TBCK: variants seen among roughly 807,000 people sequenced by gnomAD.
The protein encoded by TBCK is TBC domain-containing protein kinase-like protein.
In TBCK, 99 loss-of-function variants were observed where a neutral mutation model predicts 113.4. The observed-to-expected ratio is 0.87, with a 90% CI of 0.74 to 1.03. TBCK has a LOEUF of 1.03. Among genes scored for constraint, TBCK ranks in the 50% least tolerant of loss-of-function variants. TBCK has a pLI of 0.00. For synonymous variants in TBCK, 369 were observed against 370.8 expected (o/e 1.00, Z 0.05); for missense variants, 1,045 against 1,061.3 (o/e 0.98, Z 0.21).
intron 10 of TBCK, among the ~76,000 whole-genome samples, chr4:106,246,192 C>T (rs552081569): frequency 6.6e-6 from 1 of 152,238 alleles, no homozygotes; most frequent in South Asian, 2.1e-4. Context: ...TATTGACCTT[C>T]ATTTATAACA....
rs768039362 is a variant in TBCK, at chr4:106,231,793, G to A, written c.1640-14C>T. Reference sequence around the variant, plus strand: ...GTGAGTCAAGACCTAACACAGAGGGGTTGGGAGAAAGAAGTCAAATAAATA... The same window carrying A: ...GTGAGTCAAGACCTAACACAGAGGGATTGGGAGAAAGAAGTCAAATAAATA... On this transcript the variant is annotated splice_polypyrimidine_tract_variant and intron_variant, in intron 17 of 25. Coordinates refer to ENST00000394708, the MANE Select transcript of TBCK (RefSeq NM_001163435.3). 2.5e-6 allele frequency: 4 copies of A among 1,605,678 alleles called. No individual in the cohort carries two copies. In the South Asian group the frequency reaches 3.3e-5, roughly 13 times the overall value.
At chr4:106,149,182 C>T (rs1048856427) in intron 23 of TBCK, among the ~76,000 whole-genome samples, 1 of 152,224 alleles carries the variant, frequency 6.6e-6, no homozygotes, top group Non-Finnish European at 1.5e-5. Context: ...GTGGCTGACT[C>T]AATCTTCTAT....
Position 106,230,365 on chromosome 4 carries a change from T to C in TBCK, c.1772A>G (p.Gln591Arg), listed in dbSNP as rs1223803642. The C allele has an allele frequency of 6.3e-7, 1 of 1,576,820 alleles. No individual in the cohort carries two copies. Among genetic ancestry groups the C allele is most frequent in the Non-Finnish European group, 8.7e-7 (1 of 1,152,018 alleles). Residue 591 changes from glutamine (Q) to arginine (R), a missense_variant and splice_region_variant, in exon 19 of 26, where the codon CAA becomes CGA. By Grantham distance (43) the Gln-to-Arg change is conservative. Transcript: ENST00000394708. ...FFLKDNSHVI[Q>R]EYLTVFSQMI... Reference sequence around the variant, plus strand: ...AGACATGGAAGACATTTGCTTACCTTGTATTACATGTGAGTTGTCTTTTAA... The same window carrying C: ...AGACATGGAAGACATTTGCTTACCTCGTATTACATGTGAGTTGTCTTTTAA...
At chr4:106,169,868 T>A (rs561824100) in intron 23 of TBCK, among the ~76,000 whole-genome samples, 2 of 152,196 alleles carry the variant, frequency 1.3e-5, no homozygotes, top group Non-Finnish European at 1.5e-5. Flanking sequence ...ATAAGGAATA[T>A]GCAACCTAGA....
At chr4:106,259,602 T>TA (rs1274404470) in intron 5 of TBCK, among the ~76,000 whole-genome samples, 1 of 151,844 alleles carries the variant, frequency 6.6e-6, no homozygotes, top group Non-Finnish European at 1.5e-5. Flanking sequence ...TAAGTGATTA[T>TA]AAAAAACAAT....
intron 15 of TBCK, among the ~76,000 whole-genome samples, 177 bp from the exon 16 acceptor site, chr4:106,233,827 T>C (rs1010840874): frequency 1.3e-5 from 2 of 152,100 alleles, no homozygotes; most frequent in African/African-American, 2.4e-5. Flanking sequence ...TTTGACAATC[T>C]GTGATGAAGG....
At chr4:106,238,317 T>C (rs1486845898) in intron 12 of TBCK, among the ~76,000 whole-genome samples, 6 of 152,120 alleles carry the variant, frequency 3.9e-5, no homozygotes, top group Non-Finnish European at 8.8e-5. Flanking sequence ...GCTGGCATTA[T>C]GGCAGACAAG....
intron 2 of TBCK, 70 bp from the exon 3 acceptor site, chr4:106,295,236 C>A: frequency 7.6e-7 from 1 of 1,317,488 alleles, no homozygotes. Flanking sequence ...ATAATACTCT[C>A]CACTGATGAT....
intron 22 of TBCK, among the ~76,000 whole-genome samples, chr4:106,191,070 A>G (rs761951586): frequency 1.6e-4 from 25 of 152,224 alleles, no homozygotes; most frequent in Non-Finnish European, 3.2e-4. Flanking sequence ...TTTGGGGAAT[A>G]AAAATGAATG....
At chr4:106,225,692 C>T (rs1758165658) in intron 19 of TBCK, among the ~76,000 whole-genome samples, 1 of 152,070 alleles carries the variant, frequency 6.6e-6, no homozygotes, top group South Asian at 2.1e-4. Context: ...CTCCTGACGT[C>T]GTGATCTGCC....
chr4:106,233,646 G>A lies in TBCK; in HGVS notation c.1454C>T (p.Ala485Val). 1.2e-6 allele frequency: 2 copies of A among 1,605,366 alleles called. No homozygotes were observed. The highest frequency in any genetic ancestry group is 1.7e-6 in the Non-Finnish European group (2 of 1,174,250). The change falls in exon 16 of 26, where the codon GCT (alanine) becomes GTT (valine). Residue 485 changes from alanine to valine, a missense_variant. By Grantham distance (64) the Ala-to-Val change is moderately conservative (BLOSUM62 0). Transcript: ENST00000394708. Reference sequence around the variant, plus strand: ...AATTGCATCGTACTTGGCATGAATAGCTCCCTGCAAAAAATAAAAGAAGAT... The same window carrying A: ...AATTGCATCGTACTTGGCATGAATAACTCCCTGCAAAAAATAAAAGAAGAT... ...TWAALLGVEG[A>V]IHAKYDAIDK...
At chr4:106,228,617 G>A (rs1490047158) in intron 19 of TBCK, among the ~76,000 whole-genome samples, 1 of 151,878 alleles carries the variant, frequency 6.6e-6, no homozygotes, top group Non-Finnish European at 1.5e-5. Context: ...TGTGTATTAA[G>A]TGCCACATTT....
chr4:106,204,654 A>G (rs1255169183), intron 20 of TBCK, among the ~76,000 whole-genome samples: 1 of 152,158 alleles, frequency 6.6e-6, no homozygotes, highest in East Asian at 1.9e-4. Flanking sequence ...ACTGAAGTAC[A>G]AAGAGGTAAA....
intron 25 of TBCK, among the ~76,000 whole-genome samples, chr4:106,089,154 A>T (rs935018232): frequency 3.3e-5 from 5 of 151,976 alleles, no homozygotes; most frequent in African/African-American, 1.2e-4. Context: ...TACAATCCTG[A>T]CAGAAGGCAA....
chr4:106,055,108 T>C (rs1168411037), intron 25 of TBCK, among the ~76,000 whole-genome samples: 2 of 151,674 alleles, frequency 1.3e-5, no homozygotes, highest in Non-Finnish European at 3.0e-5. Flanking sequence ...GAGAAGTAGA[T>C]AGAAGAGTTT....
chr4:106,144,019 T>G (rs1288199951), intron 23 of TBCK, among the ~76,000 whole-genome samples: 1 of 152,102 alleles, frequency 6.6e-6, no homozygotes, highest in Non-Finnish European at 1.5e-5. Context: ...CATCGCTAAT[T>G]AACAGTTTCT....
intron 25 of TBCK, among the ~76,000 whole-genome samples, chr4:106,069,158 A>T (rs112219951): frequency 1.3e-5 from 2 of 152,034 alleles, no homozygotes; most frequent in Non-Finnish European, 2.9e-5. Flanking sequence ...ATTAGATCTC[A>T]TTTGTCAATT....
Position 106,144,789 on chromosome 4 carries a change from C to T in TBCK, c.2235+26306G>A, listed in dbSNP as rs186938940. On this transcript the variant is annotated intron_variant, in intron 23 of 25. Transcript: ENST00000394708. ...CTGTAATCCCAGCACTTTGGGAGACCGAGACAGGTGGATCACCTGAGGTTG... is the reference window on the plus strand; with the variant it reads ...CTGTAATCCCAGCACTTTGGGAGACTGAGACAGGTGGATCACCTGAGGTTG... Among the ~76,000 whole-genome samples the T allele has an allele frequency of 3.5e-4, 53 of 151,954 alleles. No individual in the cohort carries two copies. The East Asian group carries it at 7.4e-3, about 21-fold the overall frequency.
chr4:106,076,762 A>T (rs1738245243), intron 25 of TBCK, among the ~76,000 whole-genome samples: 1 of 152,150 alleles, frequency 6.6e-6, no homozygotes, highest in Non-Finnish European at 1.5e-5. Context: ...TAGCCCACCA[A>T]CTAAGCTTCA....
Sources: gnomAD v4.1 joint callset for allele counts (sites outside exome capture counted in the v4.1 genomes callset) on GRCh38, gnomAD v4.1.1 for gene constraint, MANE v1.5 for transcripts, NCBI Gene and HGNC (gene_info 2026-07-23, HGNC 2026-07-21) for gene names.